SEPTIN11: variants seen among roughly 807,000 people sequenced by gnomAD.
SEPTIN11 encodes septin 11, also known as septin-11.
Under a neutral mutation model 51.4 loss-of-function variants are expected in SEPTIN11, and 25 were observed. The observed-to-expected ratio is 0.49, with a 90% confidence interval of 0.35 to 0.68. SEPTIN11 has a LOEUF of 0.68. Among genes scored for constraint, SEPTIN11 ranks in the 30% least tolerant of loss-of-function variants. The pLI is 0.00. For missense variants in SEPTIN11, 381 were observed against 520.8 expected, an observed-to-expected ratio of 0.73 and a Z score of 2.61; for synonymous variants, 174 against 184.1, an observed-to-expected ratio of 0.95 and a Z score of 0.44.
At chr4:76,951,042 G>A (rs985722620) in intron 1 of SEPTIN11, among the ~76,000 whole-genome samples, 4 of 152,150 alleles carry the variant, frequency 2.6e-5, no homozygotes, top group African/African-American at 9.7e-5. Flanking sequence ...AGCTGCAGGT[G>A]GTGGCTCGGG....
chr4:76,962,872 C>T (rs996191714), intron 1 of SEPTIN11, among the ~76,000 whole-genome samples: 2 of 152,130 alleles, frequency 1.3e-5, no homozygotes, highest in Non-Finnish European at 2.9e-5. Context: ...TAATGGATAA[C>T]TTAAAGATGT....
At chr4:77,031,049 A>C in intron 9 of SEPTIN11, 79 bp downstream of exon 9, 1 of 1,331,294 alleles carries the variant, frequency 7.5e-7, no homozygotes, top group Non-Finnish European at 1.0e-6. Flanking sequence ...TCCCATTTAC[A>C]GACTGGAAAC....
Position 77,030,880 on chromosome 4 carries a change from T to A in SEPTIN11, c.1184T>A (p.Phe395Tyr). The change falls in exon 9 of 10, where the codon TTC becomes TAC. Residue 395 changes from phenylalanine (F) to tyrosine (Y), a missense_variant. By Grantham distance (22) the Phe-to-Tyr change is conservative (BLOSUM62 3). This residue lies in a region of SEPTIN11 where 197 missense variants were observed against 313.1 expected (regional missense o/e 0.63). Transcript: ENST00000264893. ...KKELEEEVNN[F>Y]QKKKAAAQLL... ...GAGCTTGAGGAGGAGGTGAACAACT[T>A]CCAGAAGAAGAAAGCAGCGGCTCAG... 1 of 1,613,170 alleles carries A rather than the reference T, an allele frequency of 6.2e-7. No individual in the cohort carries two copies. Among genetic ancestry groups the A allele is most frequent in the South Asian group, 1.1e-5 (1 of 91,020 alleles).
rs148266589 is a variant in SEPTIN11 at position 76,991,671 on chromosome 4, T to C, written c.28-4754T>C. ...GCTTTCCTAAAAGGTACCCCCTGAA[T>C]TTCCCTAGACAAAAACTACTTCTCC... On this transcript the variant is annotated intron_variant, in intron 1 of 9. Coordinates refer to ENST00000264893, the MANE Select transcript of SEPTIN11 (RefSeq NM_018243.4). 5.9e-5 allele frequency among the ~76,000 whole-genome samples: 9 copies of C among 152,336 alleles called. No individual in the cohort carries two copies. The East Asian group carries it at 1.5e-3, about 26-fold the overall frequency.
chr4:76,977,957 C>T (rs957612867), intron 1 of SEPTIN11, among the ~76,000 whole-genome samples: 1 of 152,194 alleles, frequency 6.6e-6, no homozygotes, highest in African/African-American at 2.4e-5. Flanking sequence ...TGGTTTTAAT[C>T]AGTCAGGACT....
intron 1 of SEPTIN11, among the ~76,000 whole-genome samples, chr4:76,974,221 G>A (rs1722380700): frequency 6.6e-6 from 1 of 152,140 alleles, no homozygotes; most frequent in Non-Finnish European, 1.5e-5. Context: ...CATCCCAGAT[G>A]TCCCGTGACT....
chr4:77,007,701 AT>A (rs576841526), intron 3 of SEPTIN11, among the ~76,000 whole-genome samples: 7 of 152,008 alleles, frequency 4.6e-5, no homozygotes. Context: ...GATACCAAAT[AT>A]TTTTTTTCCT....
At chr4:77,001,374 G>T (rs897237227) in intron 2 of SEPTIN11, among the ~76,000 whole-genome samples, 4 of 149,814 alleles carry the variant, frequency 2.7e-5, no homozygotes, top group Admixed American at 2.0e-4. Flanking sequence ...TAAAGATGGA[G>T]TCTCTCACTC....
chr4:76,979,848 CAAA>C (rs111689525), intron 1 of SEPTIN11, among the ~76,000 whole-genome samples: 1 of 124,194 alleles, frequency 8.1e-6, no homozygotes. Context: ...AACTCCATGT[CAAA>C]AAAAAAAAAA....
At position 76,965,585 on chromosome 4, in the gene SEPTIN11, C is replaced by A. The variant is rs186231791; in HGVS notation, c.27+15655C>A. 6.2e-3 allele frequency among the ~76,000 whole-genome samples: 881 copies of A among 142,888 alleles called. 6 individuals are homozygous for A. Among genetic ancestry groups the A allele is most frequent in the African/African-American group, 0.022 (850 of 38,288 alleles). The allele number at this position is 142,888 out of a possible 152,430, so 93.7% of individuals were successfully genotyped here. A position where few individuals can be genotyped will look rare whatever the true frequency, so the allele number is the denominator to read the frequency against. ...TATATATAATTTATTATAGGAAATA[C>A]TTATTTTAATATTTCTATTTCTAAA... On this transcript the variant is annotated intron_variant, in intron 1 of 9. Coordinates refer to ENST00000264893, the MANE Select transcript of SEPTIN11 (RefSeq NM_018243.4).
Position 77,036,630 on chromosome 4 carries a change from T to G in SEPTIN11, c.*2118T>G. ...ATATGGCGAGTCAGGGAATAAAAAG[T>G]CAAAAGAAACAAATAGAAGCTTTTT... On this transcript the variant is annotated 3_prime_UTR_variant, in exon 10 of 10. Coordinates refer to ENST00000264893, the MANE Select transcript of SEPTIN11 (RefSeq NM_018243.4). 1 of 1,474,040 alleles carries G rather than the reference T, an allele frequency of 6.8e-7. No homozygotes were observed. The allele number at this position is 1,474,040 out of a possible 1,614,324, so 91.3% of individuals were successfully genotyped here. A position where few individuals can be genotyped will look rare whatever the true frequency, so the allele number is the denominator to read the frequency against.
intron 3 of SEPTIN11, among the ~76,000 whole-genome samples, chr4:77,009,584 A>G (rs1724719755): frequency 6.6e-6 from 1 of 152,214 alleles, no homozygotes; most frequent in African/African-American, 2.4e-5. Context: ...AGATATCTTG[A>G]ATCCAGTGGG....
At position 77,038,242 on chromosome 4, in the gene SEPTIN11, C is replaced by A; in HGVS notation, c.*3730C>A. The stretch of plus-strand genomic sequence containing the variant: ...TTTAAATAAATTGAAAAGCTGTGAA[C>A]AGCATTAGAACTTTGTCTATTTCTT... On this transcript the variant is annotated 3_prime_UTR_variant, in exon 10 of 10. Transcript: ENST00000264893. 3.0e-6 allele frequency: 3 copies of A among 985,658 alleles called. No homozygotes were observed. Among genetic ancestry groups the A allele is most frequent in the Non-Finnish European group, 3.6e-6 (3 of 829,740 alleles). The allele number at this position is 985,658 out of a possible 1,614,324, so 61.1% of individuals were successfully genotyped here. A position where few individuals can be genotyped will look rare whatever the true frequency, so the allele number is the denominator to read the frequency against.
Position 77,037,805 on chromosome 4 carries a change from G to C in SEPTIN11, c.*3293G>C, listed in dbSNP as rs971279208. 3 of 985,690 alleles carry C rather than the reference G, an allele frequency of 3.0e-6. No individual in the cohort carries two copies. The African/African-American group carries it at 5.2e-5, about 17-fold the overall frequency. The allele number at this position is 985,690 out of a possible 1,614,324, so 61.1% of individuals were successfully genotyped here. Reference sequence around the variant, plus strand: ...CTTAGGCTCTTTATTAATTGGTTAAGGTTTTCTCCAAAAAGGGCATTTCAA... The same window carrying C: ...CTTAGGCTCTTTATTAATTGGTTAACGTTTTCTCCAAAAAGGGCATTTCAA... On this transcript the variant is annotated 3_prime_UTR_variant, in exon 10 of 10. Transcript: ENST00000264893.
intron 5 of SEPTIN11, among the ~76,000 whole-genome samples, chr4:77,015,620 C>T (rs1345846792): frequency 6.6e-6 from 1 of 152,178 alleles, no homozygotes; most frequent in South Asian, 2.1e-4. Context: ...TGTCTCACAG[C>T]CCATAGCTCA....
intron 1 of SEPTIN11, chr4:76,958,952 A>C (rs1245146104): frequency 8.8e-7 from 1 of 1,133,426 alleles, no homozygotes; most frequent in Non-Finnish European, 1.3e-6. Context: ...GAATGTTGGC[A>C]TGCATTTGAC....
chr4:77,025,287 A>G (rs998134728), intron 7 of SEPTIN11, among the ~76,000 whole-genome samples: 2 of 152,328 alleles, frequency 1.3e-5, no homozygotes, highest in South Asian at 2.1e-4. Flanking sequence ...CTGAAATCCC[A>G]GCACTCCGGG....
At chr4:76,949,986 G>A (rs905180321) in intron 1 of SEPTIN11, 56 bp downstream of exon 1, 1 of 1,390,776 alleles carries the variant, frequency 7.2e-7, no homozygotes, top group South Asian at 1.6e-5. Context: ...CTCTGCTCTG[G>A]GGCGGGTGCG....
At chr4:76,959,134 C>G (rs1034620365) in intron 1 of SEPTIN11, 36 of 584,584 alleles carry the variant, frequency 6.2e-5, no homozygotes, top group Middle Eastern at 4.9e-4. Context: ...CCAAGGCTTC[C>G]TGAAAAGCAA....
Sources: allele counts gnomAD v4.1 joint callset (sites outside exome capture counted in the v4.1 genomes callset), GRCh38; gene constraint gnomAD v4.1.1; regional missense constraint gnomAD v4.1.1; transcripts MANE v1.5; gene names NCBI Gene and HGNC (gene_info 2026-07-23, HGNC 2026-07-21).